Variants in GNAS-AS1 observed in about 807,000 individuals in gnomAD.
The protein encoded by GNAS-AS1 is GNAS antisense RNA 1.
chr20:58,844,803 A>C lies in GNAS-AS1; in HGVS notation n.414-2258T>G, dbSNP rs145568225. 4.7e-3 allele frequency among the ~76,000 whole-genome samples: 712 copies of C among 152,216 alleles called. 5 individuals are homozygous for C. Among genetic ancestry groups the C allele is most frequent in the African/African-American group, 0.014 (593 of 41,506 alleles). On this transcript the variant is annotated intron_variant and non_coding_transcript_variant, in intron 2 of 4. Transcript: ENST00000424094. ...ACAGTGTGAGACTCCATCTCAAAAA[A>C]AAAACAAAACAAAACAACAACAACA...
exon 5 of GNAS-AS1, chr20:58,819,227 CCAGGGACCCTTGGAAGCAGA>C (rs1487784489): frequency 1.0e-5 from 4 of 398,518 alleles, no homozygotes; most frequent in African/African-American, 4.1e-5. Flanking sequence ...GCAGAAGGTT[CCAGGGACCCTTGGAAGCAGA>C]CAGGGACCCT....
intron 4 of GNAS-AS1, among the ~76,000 whole-genome samples, chr20:58,838,157 G>A (rs568302777): frequency 5.9e-5 from 9 of 152,030 alleles, no homozygotes; most frequent in African/African-American, 1.7e-4. Context: ...GAGTTGTTTC[G>A]CCTTTGGACT....
chr20:58,825,601 G>C (rs2085514268), intron 4 of GNAS-AS1, among the ~76,000 whole-genome samples: 1 of 152,206 alleles, frequency 6.6e-6, no homozygotes, highest in Non-Finnish European at 1.5e-5. Context: ...GTGAAGTGCA[G>C]TTCAGTATTG....
Position 58,841,610 on chromosome 20 carries a change from C to T in GNAS-AS1, n.819+327G>A, listed in dbSNP as rs2085731310. 1.9e-6 allele frequency: 2 copies of T among 1,041,334 alleles called. No homozygotes were observed. The highest frequency in any genetic ancestry group is 5.6e-5 in the Admixed American group (1 of 17,760). The allele number at this position is 1,041,334 out of a possible 1,614,324, so 64.5% of individuals were successfully genotyped here. On this transcript the variant is annotated intron_variant and non_coding_transcript_variant, in intron 4 of 4. Transcript: ENST00000424094. The surrounding 1 kb of genome is among the most constrained non-coding windows in gnomAD (Gnocchi z 5.0). Reference sequence around the variant, plus strand: ...AGACCGCCTCAAAGAGCGTGCGCACCTGCCCGCGCGCGCCGGAGCTGACCT... The same window carrying T: ...AGACCGCCTCAAAGAGCGTGCGCACTTGCCCGCGCGCGCCGGAGCTGACCT...
intron 4 of GNAS-AS1, among the ~76,000 whole-genome samples, chr20:58,825,200 G>T (rs369206464): frequency 3.3e-5 from 5 of 152,214 alleles, no homozygotes; most frequent in African/African-American, 1.2e-4. Flanking sequence ...ACAGGCTTCC[G>T]CTGGTTGGAA....
chr20:58,830,254 A>AC (rs2085547390), intron 4 of GNAS-AS1, among the ~76,000 whole-genome samples: 1 of 124,146 alleles, frequency 8.1e-6, no homozygotes, highest in Non-Finnish European at 1.7e-5. Flanking sequence ...CACCACCATC[A>AC]ACGCCACACC....
chr20:58,830,713 A>T (rs1352301170), intron 4 of GNAS-AS1, among the ~76,000 whole-genome samples: 1 of 147,032 alleles, frequency 6.8e-6, no homozygotes, highest in Non-Finnish European at 1.5e-5. Context: ...CATCACCACC[A>T]ATGCTACACC....
exon 5 of GNAS-AS1, chr20:58,819,245 A>C: frequency 2.5e-6 from 1 of 398,678 alleles, no homozygotes; most frequent in Non-Finnish European, 4.4e-6. Flanking sequence ...CCTTGGAAGC[A>C]GACAGGGACC....
At chr20:58,850,065 G>A (rs940649381) in intron 1 of GNAS-AS1, among the ~76,000 whole-genome samples, 15 of 152,226 alleles carry the variant, frequency 9.9e-5, no homozygotes, top group African/African-American at 3.6e-4. Flanking sequence ...TGTTTACCCA[G>A]CCACGCCCCA....
chr20:58,824,319 G>T (rs533104537), intron 4 of GNAS-AS1, among the ~76,000 whole-genome samples: 3 of 152,342 alleles, frequency 2.0e-5, no homozygotes, highest in African/African-American at 7.2e-5. Context: ...ATAACAACAA[G>T]TTTAAAAATA....
chr20:58,838,204 T>C (rs539016154), intron 4 of GNAS-AS1, among the ~76,000 whole-genome samples: 1 of 152,284 alleles, frequency 6.6e-6, no homozygotes, highest in African/African-American at 2.4e-5. Flanking sequence ...ATAATCATCA[T>C]GGAGGGCCAG....
At position 58,825,097 on chromosome 20, in the gene GNAS-AS1, G is replaced by C. The variant is rs894982856; in HGVS notation, n.820-5842C>G. ...GGGAGCAAATGTCATGGTAAAGGCA[G>C]ATCAAGACAACTCCATCTGTTGACT... On this transcript the variant is annotated intron_variant and non_coding_transcript_variant, in intron 4 of 4. Transcript: ENST00000424094. Among the ~76,000 whole-genome samples the C allele has an allele frequency of 1.8e-4, 28 of 152,232 alleles. 2 individuals carry two copies. The highest frequency in any genetic ancestry group is 1.7e-3 in the Admixed American group (26 of 15,286).
chr20:58,828,068 T>C (rs1392877743), intron 4 of GNAS-AS1, among the ~76,000 whole-genome samples: 1 of 152,208 alleles, frequency 6.6e-6, no homozygotes, highest in Non-Finnish European at 1.5e-5. Flanking sequence ...AATGCTCCTA[T>C]TTTAGGGGCC....
At chr20:58,824,000 A>G (rs1019661649) in intron 4 of GNAS-AS1, 2 of 398,574 alleles carry the variant, frequency 5.0e-6, no homozygotes, top group Non-Finnish European at 8.8e-6. Context: ...AATCCCCCAC[A>G]GGGAGATACA....
chr20:58,826,316 C>T (rs1177350446), intron 4 of GNAS-AS1, among the ~76,000 whole-genome samples: 1 of 152,164 alleles, frequency 6.6e-6, no homozygotes, highest in Non-Finnish European at 1.5e-5. Context: ...GGGGCCCAAA[C>T]AGCCTGCTCT....
rs1568908679 is a variant in GNAS-AS1 at position 58,840,737 on chromosome 20, A to G, written n.819+1200T>C. ...GGACCCCGAAGAGTCGAAGGAGCCC[A>G]AGGAGGAGAAGCAGCGGCGTCGCTG... is the stretch of plus-strand genomic sequence containing the variant. On this transcript the variant is annotated intron_variant and non_coding_transcript_variant, in intron 4 of 4. Coordinates refer to ENST00000424094, the Ensembl canonical transcript of GNAS-AS1. The surrounding 1 kb of genome is among the most constrained non-coding windows in gnomAD (Gnocchi z 6.0). 2 of 1,605,218 alleles carry G rather than the reference A, an allele frequency of 1.2e-6. No individual in the cohort carries two copies. The highest frequency in any genetic ancestry group is 4.5e-5 in the East Asian group (2 of 44,836).
intron 4 of GNAS-AS1, chr20:58,839,182 A>C (rs111277730): frequency 5.0e-6 from 2 of 398,570 alleles, no homozygotes; most frequent in Non-Finnish European, 8.8e-6. Context: ...CTTGTTGAAG[A>C]AGATGAGGTA....
At position 58,840,336 on chromosome 20, in the gene GNAS-AS1, C is replaced by T; in HGVS notation, n.819+1601G>A. Reference sequence around the variant, plus strand: ...CACCGCTCCGGCGCCCAGGTATTCCCTGAGTCCCCCGAATCGGAATCTGAC... The same window carrying T: ...CACCGCTCCGGCGCCCAGGTATTCCTTGAGTCCCCCGAATCGGAATCTGAC... On this transcript the variant is annotated intron_variant and non_coding_transcript_variant, in intron 4 of 4. Coordinates refer to ENST00000424094, the Ensembl canonical transcript of GNAS-AS1. The surrounding 1 kb of genome is among the most constrained non-coding windows in gnomAD (Gnocchi z 6.0). 2 of 1,613,150 alleles carry T rather than the reference C, an allele frequency of 1.2e-6. No individual in the cohort carries two copies. Among genetic ancestry groups the T allele is most frequent in the Non-Finnish European group, 1.7e-6 (2 of 1,180,006 alleles).
At chr20:58,835,563 CTG>C (rs2085597026) in intron 4 of GNAS-AS1, among the ~76,000 whole-genome samples, 1 of 152,180 alleles carries the variant, frequency 6.6e-6, no homozygotes, top group South Asian at 2.1e-4. Context: ...ACAAGATGAA[CTG>C]TACCTCTGAT....
Sources: gnomAD v4.1 joint callset for allele counts (sites outside exome capture counted in the v4.1 genomes callset) on GRCh38, gnomAD v4.1.1 for gene constraint, Gnocchi (gnomAD v3.1) non-coding constraint, MANE v1.5 for transcripts, NCBI Gene and HGNC (gene_info 2026-07-23, HGNC 2026-07-21) for gene names.